The following KALRN variants were observed in gnomAD, a reference collection of about 807,000 sequenced individuals.
KALRN encodes the protein kalirin RhoGEF kinase.
In KALRN, 70 loss-of-function variants were observed where a neutral mutation model predicts 353.7. The ratio of observed to expected loss-of-function variants is 0.20; its 90% CI spans 0.16 to 0.24. The LOEUF (loss-of-function observed/expected upper bound fraction) is 0.24. Among genes scored for constraint, KALRN ranks in the 10% least tolerant of loss-of-function variants. KALRN has a pLI of 1.00. For missense variants in KALRN, 2,791 were observed against 3,756.7 expected (o/e 0.74, Z 6.72); for synonymous variants, 1,391 against 1,434.8 (o/e 0.97, Z 0.69).
intron 12 of KALRN, 71 bp from the exon 13 acceptor site, chr3:124,398,626 C>T: frequency 1.4e-6 from 2 of 1,437,190 alleles, no homozygotes; most frequent in South Asian, 1.2e-5. Context: ...TGAGGAAGAT[C>T]CCCCTCCTCC....
chr3:124,664,374 C>T (rs866367310), intron 45 of KALRN, among the ~76,000 whole-genome samples: 40 of 137,620 alleles, frequency 2.9e-4, no homozygotes, highest in African/African-American at 1.2e-3. Flanking sequence ...TGTGTGTGCG[C>T]GCGCGCGCAT....
chr3:124,095,009 C>A, intron 1 of KALRN: 3 of 1,075,428 alleles, frequency 2.8e-6, no homozygotes, highest in Non-Finnish European at 2.8e-6. Context: ...GGAGGGGGGT[C>A]AAGAAGAGAG....
intron 51 of KALRN, among the ~76,000 whole-genome samples, chr3:124,691,105 C>T (rs1034897601): frequency 6.6e-6 from 1 of 152,166 alleles, no homozygotes; most frequent in Admixed American, 6.5e-5. Flanking sequence ...TAGGTTCGAC[C>T]GTGCTGTATT....
At chr3:124,072,289 C>G (rs369416190) in intron 1 of KALRN, among the ~76,000 whole-genome samples, 7 of 152,328 alleles carry the variant, frequency 4.6e-5, no homozygotes, top group African/African-American at 1.7e-4. Context: ...CTGTTCCGAT[C>G]TGCTCCCTGT....
intron 1 of KALRN, among the ~76,000 whole-genome samples, chr3:124,208,074 T>C (rs2076574696): frequency 6.6e-6 from 1 of 152,210 alleles, no homozygotes; most frequent in Non-Finnish European, 1.5e-5. Context: ...AAAGTAGAAC[T>C]ACTAAGTCAG....
At chr3:124,373,344 C>G (rs887124691) in intron 10 of KALRN, among the ~76,000 whole-genome samples, 1 of 152,140 alleles carries the variant, frequency 6.6e-6, no homozygotes, top group Non-Finnish European at 1.5e-5. Flanking sequence ...ATTATTACAT[C>G]TGGGGAAGAG....
intron 34 of KALRN, among the ~76,000 whole-genome samples, chr3:124,625,545 AC>A (rs1311006385): frequency 1.3e-5 from 2 of 150,964 alleles, no homozygotes; most frequent in Non-Finnish European, 2.9e-5. Context: ...ACATCATGAG[AC>A]CCCATCTCTA....
chr3:124,688,310 CA>C (rs59265829), intron 51 of KALRN, among the ~76,000 whole-genome samples: 985 of 83,210 alleles, frequency 0.012, 5 homozygotes, highest in African/African-American at 0.034. Context: ...GAGACCCTGT[CA>C]AAAAAAAAAA....
intron 23 of KALRN, 58 bp downstream of exon 23, chr3:124,456,786 C>A: frequency 8.6e-7 from 1 of 1,156,244 alleles, no homozygotes; most frequent in African/African-American, 1.5e-5. Context: ...GGGCTTTCAC[C>A]GCTACTTGTC....
intron 4 of KALRN, 126 bp from the exon 5 acceptor site, chr3:124,268,617 C>A (rs1580283080): frequency 2.0e-6 from 2 of 992,040 alleles, no homozygotes; most frequent in Non-Finnish European, 3.0e-6. Flanking sequence ...GGCCTCCACT[C>A]ACCATTTCCG....
chr3:124,708,664 C>A (rs1249265764), intron 57 of KALRN, among the ~76,000 whole-genome samples: 1 of 151,904 alleles, frequency 6.6e-6, no homozygotes, highest in Non-Finnish European at 1.5e-5. Flanking sequence ...ACATTCATGT[C>A]ATTAGAACTC....
At chr3:124,371,566 TTTC>T (rs749129168) in intron 10 of KALRN, among the ~76,000 whole-genome samples, 1 of 152,212 alleles carries the variant, frequency 6.6e-6, no homozygotes, top group Non-Finnish European at 1.5e-5. Context: ...CTTACACACC[TTTC>T]TTCTTACAAA....
chr3:124,684,742 G>A (rs1180568265), intron 51 of KALRN, among the ~76,000 whole-genome samples: 1 of 152,210 alleles, frequency 6.6e-6, no homozygotes, highest in Non-Finnish European at 1.5e-5. Context: ...CTGTGCTTTG[G>A]CCAGCAATTC....
intron 33 of KALRN, among the ~76,000 whole-genome samples, chr3:124,539,582 G>T (rs1483783246): frequency 6.6e-6 from 1 of 152,168 alleles, no homozygotes; most frequent in Non-Finnish European, 1.5e-5. Context: ...TTGCCCAGAG[G>T]TTTAGTGAGG....
chr3:124,270,068 G>A (rs1334324356), intron 5 of KALRN, among the ~76,000 whole-genome samples: 1 of 152,342 alleles, frequency 6.6e-6, no homozygotes, highest in African/African-American at 2.4e-5. Context: ...CCTCTTTGCT[G>A]AGGATACAAA....
chr3:124,197,108 T>C (rs2075517335), intron 1 of KALRN, among the ~76,000 whole-genome samples: 1 of 152,220 alleles, frequency 6.6e-6, no homozygotes, highest in Non-Finnish European at 1.5e-5. Context: ...TTTTTTTCAT[T>C]TAAAAAGATT....
chr3:124,084,313 C>G (rs2060693958), intron 1 of KALRN, among the ~76,000 whole-genome samples: 2 of 152,218 alleles, frequency 1.3e-5, no homozygotes, highest in South Asian at 4.1e-4. Context: ...TGCAGCCCCT[C>G]CCTGTGACAG....
At position 124,724,431 on chromosome 3, in the gene KALRN, G is replaced by A. The variant is rs752620900; in HGVS notation, c.*4961G>A. The stretch of plus-strand genomic sequence containing the variant: ...CAAATGCAATATGTGACCTTTCAGT[G>A]AATTTATTTATAAAACTGCACCTTG... On this transcript the variant is annotated 3_prime_UTR_variant, in exon 60 of 60. Coordinates refer to ENST00000682506, the MANE Select transcript of KALRN (RefSeq NM_001388419.1). The A allele has an allele frequency of 6.6e-6, 1 of 152,054 alleles. No homozygotes were observed. The highest frequency in any genetic ancestry group is 2.4e-5 in the African/African-American group (1 of 41,396). The allele number at this position is 152,054 out of a possible 1,614,324, so 9.4% of individuals were successfully genotyped here. A position where few individuals can be genotyped will look rare whatever the true frequency, so the allele number is the denominator to read the frequency against.
chr3:124,595,884 C>T (rs1004732251), intron 34 of KALRN, among the ~76,000 whole-genome samples: 2 of 152,030 alleles, frequency 1.3e-5, no homozygotes, highest in Non-Finnish European at 2.9e-5. Context: ...AGGATATAGA[C>T]TGATATGTAG....
Sources: gnomAD v4.1 joint callset for allele counts (sites outside exome capture counted in the v4.1 genomes callset) on GRCh38, gnomAD v4.1.1 for gene constraint, MANE v1.5 for transcripts, NCBI Gene and HGNC (gene_info 2026-07-23, HGNC 2026-07-21) for gene names.